Variants in NMRAL1 observed in about 807,000 individuals in gnomAD.
NMRAL1 encodes nmrA-like family domain-containing protein 1.
A neutral mutation model predicts 27.5 loss-of-function variants in NMRAL1; 32 were observed. The ratio of observed to expected loss-of-function variants is 1.16; its 90% CI spans 0.88 to 1.56. The LOEUF is 1.56. NMRAL1 is among the 40% of genes most tolerant of loss of function. NMRAL1 has a pLI of 0.00. For synonymous variants in NMRAL1, 166 were observed against 166.8 expected, an observed-to-expected ratio of 1.00 and a Z score of 0.04; for missense variants, 420 against 392.0, an observed-to-expected ratio of 1.07 and a Z score of -0.60.
chr16:4,461,925 G>A lies in NMRAL1; in HGVS notation c.755C>T (p.Pro252Leu), dbSNP rs3747582. ...CATGTTGGCCAGGTCCCGGGCACCG[G>A]GAAAGCCAAGCTTTTCGTAGTCCTC... ...TPEDYEKLGFPGARDLANMFR... is the reference protein window; with the variant it reads ...TPEDYEKLGFLGARDLANMFR... Residue 252 changes from proline to leucine, a missense_variant, in exon 6 of 6, where the codon CCC becomes CTC. Coordinates refer to ENST00000283429, the MANE Select transcript of NMRAL1 (RefSeq NM_020677.6). 6.3e-3 allele frequency: 10,090 copies of A among 1,614,020 alleles called. 900 individuals are homozygous for A. In the East Asian group the frequency reaches 0.19, roughly 31 times the overall value.
upstream of NMRAL1, chr16:4,476,038 T>A (rs376809712): frequency 6.6e-6 from 1 of 151,956 alleles, no homozygotes; most frequent in Non-Finnish European, 1.5e-5. Context: ...GGTGTCAGAG[T>A]TGAGACTCAG....
In NMRAL1 at chr16:4,462,892, C is replaced by T. The variant is rs575047083; in HGVS notation, c.720+768G>A. Among the ~76,000 whole-genome samples the T allele has an allele frequency of 4.6e-5, 7 of 151,444 alleles. No homozygotes were observed. In the East Asian group the frequency reaches 1.4e-3, roughly 29 times the overall value. ...TTTTTTTTGGAGTTGGAGTCTCGCT[C>T]TGTCGCCCAGTCTGGAGTGCAGTGG... On this transcript the variant is annotated intron_variant, in intron 5 of 5. Coordinates refer to ENST00000283429, the MANE Select transcript of NMRAL1 (RefSeq NM_020677.6).
intron 4 of NMRAL1, among the ~76,000 whole-genome samples, chr16:4,465,203 C>T (rs972822959): frequency 1.3e-5 from 2 of 152,316 alleles, no homozygotes; most frequent in Admixed American, 6.5e-5. Flanking sequence ...TAAGCCACTG[C>T]GCCTGGCCAG....
In NMRAL1 at chr16:4,474,102, C is replaced by G; in HGVS notation, c.31G>C (p.Gly11Arg). The G allele has an allele frequency of 6.2e-7, 1 of 1,612,318 alleles. No homozygotes were observed. The highest frequency in any genetic ancestry group is 8.5e-7 in the Non-Finnish European group (1 of 1,179,156). ...CTGGGGTTTGGCTCACCTGTGCCTC[C>G]GAAAACCACCACCAGTTTCTTGTCC... MVDKKLVVVF[G>R]GTGAQGGSVA... The change falls in exon 2 of 6, where the codon GGA becomes CGA. Residue 11 changes from glycine (G) to arginine (R), a missense_variant. Physicochemically the swap from Gly to Arg is moderately radical, Grantham distance 125. Coordinates refer to ENST00000283429, the MANE Select transcript of NMRAL1 (RefSeq NM_020677.6).
At chr16:4,469,633 G>A (rs2057472438) in intron 2 of NMRAL1, 168 bp from the exon 3 acceptor site, 2 of 1,328,392 alleles carry the variant, frequency 1.5e-6, no homozygotes, top group Non-Finnish European at 2.0e-6. Flanking sequence ...TTTTTGAGAT[G>A]GAGTCTCACT....
intron 3 of NMRAL1, among the ~76,000 whole-genome samples, chr16:4,468,622 A>C (rs2057422990): frequency 1.6e-5 from 2 of 126,348 alleles, no homozygotes; most frequent in South Asian, 4.3e-4. Context: ...TCTCAAAAAA[A>C]AAAAAAAAAA....
At position 4,474,326 on chromosome 16, in the gene NMRAL1, C is replaced by A. The variant is rs2057738230; in HGVS notation, c.-34-160G>T. 2.1e-5 allele frequency: 12 copies of A among 577,444 alleles called. 1 individual carries two copies. The South Asian group carries it at 2.4e-4, about 12-fold the overall frequency. 35.8% of individuals were successfully genotyped at this position (577,444 alleles called of 1,614,324 possible). A position where few individuals can be genotyped will look rare whatever the true frequency, so the allele number is the denominator to read the frequency against. On this transcript the variant is annotated intron_variant, in intron 1 of 5. Coordinates refer to ENST00000283429, the MANE Select transcript of NMRAL1 (RefSeq NM_020677.6). Reference sequence around the variant, plus strand: ...TCCCGAGATATCGGGGTCCCGCGACCCACCTCGTGTCCCTTGGGCCCGATC... The same window carrying A: ...TCCCGAGATATCGGGGTCCCGCGACACACCTCGTGTCCCTTGGGCCCGATC...
chr16:4,469,420 G>A lies in NMRAL1; in HGVS notation c.86C>T (p.Thr29Ile). 1 of 1,614,052 alleles carries A rather than the reference G, an allele frequency of 6.2e-7. No homozygotes were observed. Among genetic ancestry groups the A allele is most frequent in the Non-Finnish European group, 8.5e-7 (1 of 1,180,002 alleles). ...TCGGGTCACCACTCGAACCTTGAATGTCCCATCTTCCAGGAGTGTGCGGGC... is the reference window on the plus strand; with the variant it reads ...TCGGGTCACCACTCGAACCTTGAATATCCCATCTTCCAGGAGTGTGCGGGC... ...SVARTLLEDG[T>I]FKVRVVTRNP... is the part of the protein sequence containing the mutation. Residue 29 changes from threonine to isoleucine, a missense_variant, in exon 3 of 6, where the codon ACA becomes ATA. Coordinates refer to ENST00000283429, the MANE Select transcript of NMRAL1 (RefSeq NM_020677.6).
chr16:4,463,941 C>A, intron 4 of NMRAL1, 91 bp from the exon 5 acceptor site: 2 of 1,071,796 alleles, frequency 1.9e-6, no homozygotes, highest in Non-Finnish European at 2.7e-6. Context: ...GCTGGTTCTT[C>A]CCAGCAGTCA....
intron 3 of NMRAL1, among the ~76,000 whole-genome samples, chr16:4,467,478 C>G (rs1324009491): frequency 6.6e-6 from 1 of 151,736 alleles, no homozygotes; most frequent in South Asian, 2.1e-4. Context: ...AAGTGATCTG[C>G]CCACCTCAGC....
intron 5 of NMRAL1, 160 bp downstream of exon 5, chr16:4,463,499 TG>T: frequency 1.6e-6 from 1 of 616,808 alleles, no homozygotes; most frequent in African/African-American, 1.9e-5. Flanking sequence ...TTTCACTCTG[TG>T]GCCAGTTAGC....
At chr16:4,474,010 C>A in intron 2 of NMRAL1, 83 bp downstream of exon 2, 4 of 1,097,988 alleles carry the variant, frequency 3.6e-6, no homozygotes. Flanking sequence ...TGACCTTACC[C>A]CTCCCTGCAG....
intron 3 of NMRAL1, 111 bp downstream of exon 3, chr16:4,469,113 TGAA>T: frequency 1.4e-6 from 1 of 706,774 alleles, no homozygotes; most frequent in East Asian, 2.5e-5. Flanking sequence ...GGCAGAGGCA[TGAA>T]GAAGAGGGAA....
In NMRAL1 at chr16:4,461,788, G is replaced by C; in HGVS notation, c.892C>G (p.Leu298Val). Reference sequence around the variant, plus strand: ...GCCGCGAGGCGGGCAGGTCACAGCAGGTTGAAGTCCCCTTTGTGCTGTTCC... The same window carrying C: ...GCCGCGAGGCGGGCAGGTCACAGCACGTTGAAGTCCCCTTTGTGCTGTTCC... ...WLEQHKGDFN[L>V]L Residue 298 changes from leucine (L) to valine (V), a missense_variant, in exon 6 of 6, where the codon CTG (leucine) becomes GTG (valine). Transcript: ENST00000283429. The C allele has an allele frequency of 6.2e-7, 1 of 1,612,044 alleles. No homozygotes were observed. The highest frequency in any genetic ancestry group is 8.5e-7 in the Non-Finnish European group (1 of 1,179,178).
chr16:4,471,034 G>A (rs2057547051), intron 2 of NMRAL1, among the ~76,000 whole-genome samples: 1 of 152,072 alleles, frequency 6.6e-6, no homozygotes, highest in Admixed American at 6.6e-5. Context: ...TTGAACCAGG[G>A]TGGCAGAGGT....
intron 2 of NMRAL1, among the ~76,000 whole-genome samples, chr16:4,473,825 C>CT (rs758282767): frequency 2.6e-5 from 4 of 151,930 alleles, no homozygotes; most frequent in African/African-American, 4.8e-5. Flanking sequence ...ACTCGGGAGG[C>CT]TGAGACAGGA....
intron 3 of NMRAL1, among the ~76,000 whole-genome samples, chr16:4,468,169 A>G (rs377222771): frequency 3.5e-4 from 54 of 152,170 alleles, no homozygotes; most frequent in South Asian, 6.2e-4. Context: ...GGGCATGGTG[A>G]CGCATGCATG....
At chr16:4,473,945 G>C in intron 2 of NMRAL1, 148 bp downstream of exon 2, 1 of 591,098 alleles carries the variant, frequency 1.7e-6, no homozygotes, top group Non-Finnish European at 3.0e-6. Flanking sequence ...AAATTGGAAA[G>C]CAATTTGGGC....
In NMRAL1 at chr16:4,461,800, C is replaced by T. The variant is rs750372088; in HGVS notation, c.880G>A (p.Gly294Arg). Residue 294 changes from glycine (G) to arginine (R), a missense_variant, in exon 6 of 6, where the codon GGG becomes AGG. Transcript: ENST00000283429. ...TLDQWLEQHK[G>R]DFNLL Reference sequence around the variant, plus strand: ...GCAGGTCACAGCAGGTTGAAGTCCCCTTTGTGCTGTTCCAGCCACTGGTCC... The same window carrying T: ...GCAGGTCACAGCAGGTTGAAGTCCCTTTTGTGCTGTTCCAGCCACTGGTCC... 1.4e-4 allele frequency: 231 copies of T among 1,613,478 alleles called. No individual in the cohort carries two copies. The highest frequency in any genetic ancestry group is 1.9e-4 in the Non-Finnish European group (227 of 1,179,788).
Sources: gnomAD v4.1 joint callset for allele counts (sites outside exome capture counted in the v4.1 genomes callset) on GRCh38, gnomAD v4.1.1 for gene constraint, MANE v1.5 for transcripts, NCBI Gene and HGNC (gene_info 2026-07-23, HGNC 2026-07-21) for gene names.